ZNF716: variants seen among roughly 807,000 people sequenced by gnomAD.
ZNF716 encodes the protein zinc finger protein 716.
ZNF716 carries 9 observed loss-of-function variants against 13.4 expected under a neutral mutation model. The observed-to-expected ratio is 0.67, with a 90% CI of 0.41 to 1.18. The LOEUF is 1.18. Among genes scored for constraint, ZNF716 ranks in the 50% most tolerant of loss-of-function variants. The probability of loss-of-function intolerance (pLI) is 0.01; values close to 1 mark genes in which losing one functional copy is unlikely to be tolerated. For synonymous variants in ZNF716, 186 were observed against 195.2 expected (o/e 0.95, Z 0.39); for missense variants, 581 against 576.6 (o/e 1.01, Z -0.08).
intron 3 of ZNF716, among the ~76,000 whole-genome samples, 180 bp downstream of exon 3, chr7:57,463,348 C>G (rs1316443230): frequency 6.6e-6 from 1 of 152,168 alleles, no homozygotes; most frequent in African/African-American, 2.4e-5. Flanking sequence ...CTTTTAAATT[C>G]TCTAAGGATT....
chr7:57,452,495 G>T (rs368481200), intron 1 of ZNF716, among the ~76,000 whole-genome samples: 54 of 151,676 alleles, frequency 3.6e-4, no homozygotes, highest in African/African-American at 1.1e-3. Flanking sequence ...AAAAATAACC[G>T]GGCGTGGTGG....
In ZNF716 at chr7:57,473,531, T is replaced by A. The variant is rs1415247832; in HGVS notation, c.*3582T>A. 1.6e-4 allele frequency: 23 copies of A among 147,592 alleles called. No homozygotes were observed. The highest frequency in any genetic ancestry group is 3.8e-4 in the African/African-American group (15 of 39,798). 9.1% of individuals were successfully genotyped at this position (147,592 alleles called of 1,614,324 possible). ...CGAGAAACCATCTCAAAAAAAAAAATAAATAAATAAAAGATATACCTTAAG... is the reference window on the plus strand; with the variant it reads ...CGAGAAACCATCTCAAAAAAAAAAAAAAATAAATAAAAGATATACCTTAAG... On this transcript the variant is annotated 3_prime_UTR_variant, in exon 4 of 4. Coordinates refer to ENST00000420713, the MANE Select transcript of ZNF716 (RefSeq NM_001159279.1).
chr7:57,470,112 A>C lies in ZNF716; in HGVS notation c.*163A>C. The C allele has an allele frequency of 1.3e-6, 1 of 746,072 alleles. No individual in the cohort carries two copies. Among genetic ancestry groups the C allele is most frequent in the Non-Finnish European group, 2.0e-6 (1 of 496,618 alleles). The allele number at this position is 746,072 out of a possible 1,614,324, so 46.2% of individuals were successfully genotyped here. A position where few individuals can be genotyped will look rare whatever the true frequency, so the allele number is the denominator to read the frequency against. ...ACAAAAGTCTTATAAATGTAAAAAA[A>C]AAAGTAACAGCCTTTAACCACCCCT... On this transcript the variant is annotated 3_prime_UTR_variant, in exon 4 of 4. Coordinates refer to ENST00000420713, the MANE Select transcript of ZNF716 (RefSeq NM_001159279.1).
At position 57,469,170 on chromosome 7, in the gene ZNF716, G is replaced by A. The variant is rs868966051; in HGVS notation, c.709G>A (p.Gly237Arg). The A allele has an allele frequency of 6.8e-6, 11 of 1,612,514 alleles. No homozygotes were observed. The highest frequency in any genetic ancestry group is 8.5e-6 in the Non-Finnish European group (10 of 1,179,276). Residue 237 changes from glycine to arginine, a missense_variant, in exon 4 of 4, where the codon GGA becomes AGA. Transcript: ENST00000420713. ...TLTRHKRIHT[G>R]EKPYRCEECG... ...TACTAGACATAAAAGAATTCATACT[G>A]GAGAGAAACCCTACAGATGTGAGGA...
chr7:57,455,345 T>C (rs1322913161), intron 1 of ZNF716, among the ~76,000 whole-genome samples: 12 of 152,162 alleles, frequency 7.9e-5, no homozygotes, highest in Non-Finnish European at 1.5e-5. Context: ...AAAAAATATT[T>C]TGGCCACTGA....
intron 1 of ZNF716, among the ~76,000 whole-genome samples, chr7:57,451,629 G>A (rs1789497413): frequency 6.6e-6 from 1 of 150,832 alleles, no homozygotes; most frequent in Non-Finnish European, 1.5e-5. Context: ...TGTATTTTTA[G>A]TAGAGATAGA....
In ZNF716 at chr7:57,470,619, C is replaced by A. The variant is rs1306515861; in HGVS notation, c.*670C>A. The A allele has an allele frequency of 6.6e-6, 1 of 151,868 alleles. No homozygotes were observed. The highest frequency in any genetic ancestry group is 2.4e-5 in the African/African-American group (1 of 41,288). The allele number at this position is 151,868 out of a possible 1,614,324, so 9.4% of individuals were successfully genotyped here. The stretch of plus-strand genomic sequence containing the variant: ...AAAAGAATTGATACTGAAGAAAAAC[C>A]CTACAATAAGGAATATGGAAATGTC... On this transcript the variant is annotated 3_prime_UTR_variant, in exon 4 of 4. Transcript: ENST00000420713.
chr7:57,460,310 G>A (rs530943771), intron 1 of ZNF716, among the ~76,000 whole-genome samples: 11 of 145,110 alleles, frequency 7.6e-5, no homozygotes, highest in Admixed American at 4.4e-4. Flanking sequence ...CAGTAGAATC[G>A]CTTGAACCCA....
intron 1 of ZNF716, among the ~76,000 whole-genome samples, chr7:57,460,701 C>T (rs1554322901): frequency 6.6e-6 from 1 of 151,974 alleles, no homozygotes; most frequent in Non-Finnish European, 1.5e-5. Flanking sequence ...TGTGGATACT[C>T]AATATTTCTT....
intron 1 of ZNF716, among the ~76,000 whole-genome samples, chr7:57,453,710 C>T (rs7806302): frequency 2.0e-5 from 3 of 152,060 alleles, no homozygotes; most frequent in African/African-American, 7.3e-5. Flanking sequence ...TTATGGCTGT[C>T]GGAAATGAAT....
At chr7:57,451,405 A>AT (rs1437651896) in intron 1 of ZNF716, among the ~76,000 whole-genome samples, 5 of 127,238 alleles carry the variant, frequency 3.9e-5, no homozygotes, top group African/African-American at 1.5e-4. Flanking sequence ...CTGTTTAAAT[A>AT]TTTTTACACC....
intron 1 of ZNF716, among the ~76,000 whole-genome samples, chr7:57,458,163 A>G (rs148154525): frequency 7.9e-5 from 12 of 152,318 alleles, no homozygotes; most frequent in African/African-American, 2.9e-4. Flanking sequence ...TTCATTGGGT[A>G]TATTCCCAAT....
At chr7:57,458,891 A>G (rs1789653537) in intron 1 of ZNF716, among the ~76,000 whole-genome samples, 2 of 152,048 alleles carry the variant, frequency 1.3e-5, no homozygotes, top group Non-Finnish European at 2.9e-5. Context: ...TTAAATTGAG[A>G]TCTTTCTAAC....
chr7:57,459,839 C>A (rs551861132), intron 1 of ZNF716, among the ~76,000 whole-genome samples: 1 of 152,180 alleles, frequency 6.6e-6, no homozygotes, highest in African/African-American at 2.4e-5. Context: ...TATGGAGAAG[C>A]TTGTTCTTCT....
chr7:57,469,520 A>T lies in ZNF716; in HGVS notation c.1059A>T (p.Thr353=). The T allele has an allele frequency of 6.2e-7, 1 of 1,610,812 alleles. No homozygotes were observed. The highest frequency in any genetic ancestry group is 8.5e-7 in the Non-Finnish European group (1 of 1,178,320). ...KIVHTGEKLY[T]CEECGKAFTF... is the part of the protein sequence containing the mutation. ...TTCATACTGGGGAGAAACTCTACACATGTGAAGAATGTGGGAAAGCCTTTA... is the reference window on the plus strand; with the variant it reads ...TTCATACTGGGGAGAAACTCTACACTTGTGAAGAATGTGGGAAAGCCTTTA... The change falls in exon 4 of 4, where the codon ACA becomes ACT. Residue 353 remains threonine (T), a synonymous_variant. Transcript: ENST00000420713.
At chr7:57,464,865 G>A (rs1789777945) in intron 3 of ZNF716, among the ~76,000 whole-genome samples, 1 of 152,106 alleles carries the variant, frequency 6.6e-6, no homozygotes, top group Admixed American at 6.6e-5. Context: ...TGGCAACCCT[G>A]TGGCAGATTA....
chr7:57,458,328 T>G (rs782399114), intron 1 of ZNF716, among the ~76,000 whole-genome samples: 1 of 152,220 alleles, frequency 6.6e-6, no homozygotes, highest in Non-Finnish European at 1.5e-5. Context: ...TTTCTGACTG[T>G]GTTTATTTGA....
chr7:57,468,599 CG>C lies in ZNF716; in HGVS notation c.263-123del, dbSNP rs113730140. ...CATTTATACATCTATGAAGGAATTA[CG>C]GCTTGTGGTATTTTGATATGCCATT... On this transcript the variant is annotated intron_variant, in intron 3 of 3. Coordinates refer to ENST00000420713, the MANE Select transcript of ZNF716 (RefSeq NM_001159279.1). 3.6e-5 allele frequency: 34 copies of C among 947,744 alleles called. 1 individual carries two copies. In the African/African-American group the frequency reaches 5.2e-4, roughly 14 times the overall value. The allele number at this position is 947,744 out of a possible 1,614,324, so 58.7% of individuals were successfully genotyped here. A position where few individuals can be genotyped will look rare whatever the true frequency, so the allele number is the denominator to read the frequency against.
At chr7:57,465,565 G>A (rs1213843085) in intron 3 of ZNF716, among the ~76,000 whole-genome samples, 1 of 151,986 alleles carries the variant, frequency 6.6e-6, no homozygotes, top group African/African-American at 2.4e-5. Flanking sequence ...TCCAAGGCTG[G>A]TATCAAACTT....
Sources: gnomAD v4.1 joint callset for allele counts (sites outside exome capture counted in the v4.1 genomes callset) on GRCh38, gnomAD v4.1.1 for gene constraint, MANE v1.5 for transcripts, NCBI Gene and HGNC (gene_info 2026-07-23, HGNC 2026-07-21) for gene names.